TTC23L: variants seen among roughly 807,000 people sequenced by gnomAD.
The protein encoded by TTC23L is tetratricopeptide repeat domain 23 like, also known as tetratricopeptide repeat protein 23-like.
Under a neutral mutation model 48.1 loss-of-function variants are expected in TTC23L, and 42 were observed. That is an observed-to-expected ratio of 0.87 (90% CI 0.68 to 1.13). The LOEUF (loss-of-function observed/expected upper bound fraction) is 1.13, where lower values mean the gene tolerates loss of function less well. Among genes scored for constraint, TTC23L ranks in the 50% most tolerant of loss-of-function variants. The pLI is 0.00. For synonymous variants in TTC23L, 159 were observed against 157.2 expected, an observed-to-expected ratio of 1.01 and a Z score of -0.09; for missense variants, 391 against 421.0, an observed-to-expected ratio of 0.93 and a Z score of 0.62.
chr5:34,924,645 A>G, the TTC23L span, among the ~76,000 whole-genome samples: 15 of 152,326 alleles, frequency 9.8e-5, no homozygotes, highest in South Asian at 2.9e-3. Context: ...CTCACTGAAA[A>G]AACATTTTTC....
At chr5:34,908,477 C>A in the TTC23L span, 9 of 217,102 alleles carry the variant, frequency 4.1e-5, no homozygotes, top group East Asian at 9.7e-5. Context: ...CACCTTTAGA[C>A]TCTTGAAATG....
intron 6 of TTC23L, among the ~76,000 whole-genome samples, chr5:34,865,975 G>C (rs963203620): frequency 6.6e-6 from 1 of 152,188 alleles, no homozygotes; most frequent in African/African-American, 2.4e-5. Context: ...CAAACTTGCA[G>C]TATAAACTCA....
intron 4 of TTC23L, among the ~76,000 whole-genome samples, chr5:34,850,592 A>G (rs1204138305): frequency 6.6e-6 from 1 of 152,242 alleles, no homozygotes; most frequent in Non-Finnish European, 1.5e-5. Flanking sequence ...ACCTCAGTTT[A>G]TGGATGAGGA....
rs750358132 is a variant in TTC23L, at chr5:34,850,294, A to G, written c.365A>G (p.Tyr122Cys). 3 of 1,613,780 alleles carry G rather than the reference A, an allele frequency of 1.9e-6. No homozygotes were observed. In the East Asian group the frequency reaches 6.7e-5, roughly 36 times the overall value. Residue 122 changes from tyrosine to cysteine, a missense_variant, in exon 4 of 11, where the codon TAC (tyrosine) becomes TGC (cysteine). Physicochemically the swap from Tyr to Cys is radical, Grantham distance 194. Transcript: ENST00000505624. ...GCTCTGGCCAACCTAGCTTATGGCT[A>G]CTTGACACTGAGAGGTACTTGGTTT... is the stretch of plus-strand genomic sequence containing the variant.
chr5:34,889,963 C>T (rs1017876507), intron 9 of TTC23L, among the ~76,000 whole-genome samples: 4 of 151,888 alleles, frequency 2.6e-5, no homozygotes, highest in Non-Finnish European at 5.9e-5. Flanking sequence ...CTCAGCCTCC[C>T]GAGTAGCTGG....
chr5:34,896,880 G>T lies in TTC23L; in HGVS notation c.*97+5G>T. ...AGGGCAGTGTATGGAGGAATGGTAA[G>T]TACTTTACAGCTGTTGTACAGGGCA... On this transcript the variant is annotated splice_donor_5th_base_variant and intron_variant, in intron 10 of 10. Coordinates refer to ENST00000505624, the Ensembl canonical transcript of TTC23L. 1.4e-6 allele frequency: 1 copy of T among 717,356 alleles called. No individual in the cohort carries two copies. Among genetic ancestry groups the T allele is most frequent in the Admixed American group, 2.0e-5 (1 of 50,074 alleles). 44.4% of individuals were successfully genotyped at this position (717,356 alleles called of 1,614,324 possible).
intron 8 of TTC23L, chr5:34,869,397 T>G (rs1293401549): frequency 5.8e-6 from 1 of 170,988 alleles, no homozygotes; most frequent in Non-Finnish European, 1.3e-5. Flanking sequence ...TCTTTTCCTC[T>G]GGCTGACAAG....
intron 9 of TTC23L, among the ~76,000 whole-genome samples, chr5:34,883,821 A>AGGTG (rs879805896): frequency 5.9e-5 from 9 of 152,220 alleles, no homozygotes; most frequent in Non-Finnish European, 7.3e-5. Flanking sequence ...GAATTCTACC[A>AGGTG]AACATTTAAA....
the TTC23L span, chr5:34,924,708 C>T: frequency 5.4e-6 from 3 of 553,488 alleles, no homozygotes. Context: ...TGATGATTTG[C>T]CATTTACCAA....
chr5:34,853,743 G>C (rs1438592824), intron 4 of TTC23L, among the ~76,000 whole-genome samples: 1 of 152,188 alleles, frequency 6.6e-6, no homozygotes, highest in Admixed American at 6.5e-5. Flanking sequence ...TAAGGTAATG[G>C]CTGAGGAGAG....
intron 4 of TTC23L, among the ~76,000 whole-genome samples, chr5:34,853,880 T>TG (rs1302923474): frequency 2.0e-5 from 3 of 152,178 alleles, no homozygotes; most frequent in African/African-American, 7.2e-5. Flanking sequence ...AATTCAAACT[T>TG]GAGGTGATGA....
the TTC23L span, chr5:34,918,651 G>A: frequency 8.1e-6 from 4 of 494,574 alleles, no homozygotes; most frequent in Non-Finnish European, 1.4e-5. Flanking sequence ...AAATTCTTTA[G>A]ATTTCATTAG....
chr5:34,910,503 C>T, the TTC23L span, among the ~76,000 whole-genome samples: 8 of 151,898 alleles, frequency 5.3e-5, no homozygotes, highest in Non-Finnish European at 1.2e-4. Context: ...TCTCAGCTCA[C>T]CGCAACCTCC....
At chr5:34,918,656 C>A in the TTC23L span, 1 of 490,758 alleles carries the variant, frequency 2.0e-6, no homozygotes. Context: ...CTTTAGATTT[C>A]ATTAGGTAGA....
At chr5:34,898,740 A>G (rs1205896785) in intron 10 of TTC23L, among the ~76,000 whole-genome samples, 1 of 152,242 alleles carries the variant, frequency 6.6e-6, no homozygotes, top group African/African-American at 2.4e-5. Context: ...CCCCAAGTTC[A>G]TAAAATTTTG....
At chr5:34,866,407 A>T (rs1287081500) in intron 6 of TTC23L, among the ~76,000 whole-genome samples, 1 of 152,156 alleles carries the variant, frequency 6.6e-6, no homozygotes, top group African/African-American at 2.4e-5. Context: ...TTATTGTATG[A>T]TATGCTATAA....
At chr5:34,914,722 CTT>C in the TTC23L span, 3 of 1,612,616 alleles carry the variant, frequency 1.9e-6, no homozygotes, top group Non-Finnish European at 2.5e-6. Context: ...CTTGCACACA[CTT>C]TGCATTTTCC....
At chr5:34,903,677 G>A (rs1412812795), downstream of TTC23L, among the ~76,000 whole-genome samples, 1 of 152,120 alleles carries the variant, frequency 6.6e-6, no homozygotes, top group Non-Finnish European at 1.5e-5. Flanking sequence ...GTCTTAACAA[G>A]CCACATTAGA....
At chr5:34,846,600 T>TATATATACACAC (rs61009546) in intron 3 of TTC23L, among the ~76,000 whole-genome samples, 10 of 92,910 alleles carry the variant, frequency 1.1e-4, no homozygotes, top group South Asian at 3.6e-4. Flanking sequence ...TATATATATA[T>TATATATACACAC]ACACACACAT....
Sources: allele counts gnomAD v4.1 joint callset (sites outside exome capture counted in the v4.1 genomes callset), GRCh38; gene constraint gnomAD v4.1.1; transcripts MANE v1.5; gene names NCBI Gene and HGNC (gene_info 2026-07-23, HGNC 2026-07-21).